The following TMEM260 variants were observed in gnomAD, a reference collection of about 807,000 sequenced individuals.
TMEM260 encodes transmembrane protein 260, also known as protein O-mannosyl-transferase TMEM260.
TMEM260 carries 82 observed loss-of-function variants against 88.9 expected under a neutral mutation model. The ratio of observed to expected loss-of-function variants is 0.92; its 90% CI spans 0.77 to 1.11. The LOEUF is 1.11. Among genes scored for constraint, TMEM260 ranks in the 50% least tolerant of loss-of-function variants. The probability of loss-of-function intolerance (pLI) is 0.00; values close to 1 mark genes in which losing one functional copy is unlikely to be tolerated. For synonymous variants in TMEM260, 314 were observed against 309.3 expected (o/e 1.02, Z -0.16); for missense variants, 902 against 853.4 (o/e 1.06, Z -0.71).
rs536897930 is a variant in TMEM260, at chr14:56,610,218, T to TA, written c.816+941dup. ...ATATTGATGAGGTTTTGTTTCTTTT[T>TA]AAAAAAAAGAATTTTTTTTTTTATT... On this transcript the variant is annotated intron_variant, in intron 6 of 15. Coordinates refer to ENST00000261556, the MANE Select transcript of TMEM260 (RefSeq NM_017799.4). 7.4e-3 allele frequency among the ~76,000 whole-genome samples: 1,120 copies of TA among 151,978 alleles called. 10 individuals carry two copies. The highest frequency in any genetic ancestry group is 0.025 in the African/African-American group (1,046 of 41,424).
At chr14:56,582,927 A>G (rs964062856) in intron 1 of TMEM260, among the ~76,000 whole-genome samples, 1 of 130,998 alleles carries the variant, frequency 7.6e-6, no homozygotes, top group Admixed American at 8.8e-5. Flanking sequence ...AGTTTGTCAC[A>G]TTCCAGATTT....
intron 12 of TMEM260, among the ~76,000 whole-genome samples, chr14:56,631,092 T>G (rs1048695302): frequency 6.6e-6 from 1 of 152,054 alleles, no homozygotes; most frequent in Admixed American, 6.5e-5. Flanking sequence ...CCAAGGCACA[T>G]TTTAAAGCAG....
chr14:56,647,157 TATTA>T (rs1188694249), intron 15 of TMEM260, 82 bp from the exon 16 acceptor site: 31 of 1,438,630 alleles, frequency 2.2e-5, no homozygotes, highest in African/African-American at 2.0e-4. Flanking sequence ...TTTTTCTTGT[TATTA>T]ATTCCTCTGT....
intron 15 of TMEM260, among the ~76,000 whole-genome samples, chr14:56,645,225 C>G (rs1594903596): frequency 7.7e-6 from 1 of 130,408 alleles, no homozygotes; most frequent in South Asian, 2.3e-4. Context: ...TTCACAATAG[C>G]AAAGACTTGG....
intron 5 of TMEM260, among the ~76,000 whole-genome samples, chr14:56,607,282 A>G (rs149609256): frequency 3.8e-4 from 58 of 152,276 alleles, no homozygotes; most frequent in Admixed American, 6.5e-4. Context: ...CATTCTTAGC[A>G]CATATTTCAT....
intron 12 of TMEM260, among the ~76,000 whole-genome samples, chr14:56,627,900 G>A (rs904828393): frequency 5.3e-5 from 8 of 152,230 alleles, no homozygotes; most frequent in East Asian, 3.9e-4. Context: ...TGCTGCTCCC[G>A]TATAGTCACA....
downstream of TMEM260, among the ~76,000 whole-genome samples, chr14:56,653,746 A>AAAAACAAAAC (rs1555343593): frequency 1.6e-4 from 14 of 85,968 alleles, no homozygotes; most frequent in African/African-American, 4.0e-4. Flanking sequence ...CAAAACAAAA[A>AAAAACAAAAC]AAAAAAAAAC....
chr14:56,621,927 A>G (rs1017830923), intron 11 of TMEM260, among the ~76,000 whole-genome samples: 1 of 152,170 alleles, frequency 6.6e-6, no homozygotes, highest in African/African-American at 2.4e-5. Flanking sequence ...ATTTAAAAAC[A>G]TTTAAACTGA....
At chr14:56,636,923 A>G (rs1396308891) in intron 15 of TMEM260, among the ~76,000 whole-genome samples, 1 of 152,216 alleles carries the variant, frequency 6.6e-6, no homozygotes, top group Non-Finnish European at 1.5e-5. Flanking sequence ...GTTACCCCAG[A>G]TTATCCAGGT....
Position 56,617,244 on chromosome 14 carries a change from T to G in TMEM260, c.1003T>G (p.Phe335Val). The change falls in exon 9 of 16, where the codon TTC becomes GTC. Residue 335 changes from phenylalanine (F) to valine (V), a missense_variant. Transcript: ENST00000261556. Reference sequence around the variant, plus strand: ...TGGAATGTTTTGCATTTATTCATTGTTCTTTGCTTGGAGAGCAAATTTAGA... The same window carrying G: ...TGGAATGTTTTGCATTTATTCATTGGTCTTTGCTTGGAGAGCAAATTTAGA... ...FTGMFCIYSL[F>V]FAWRANLDIS... 6.2e-7 allele frequency: 1 copy of G among 1,606,698 alleles called. No homozygotes were observed. The highest frequency in any genetic ancestry group is 2.3e-5 in the East Asian group (1 of 44,428).
intron 1 of TMEM260, among the ~76,000 whole-genome samples, chr14:56,581,743 A>G (rs954522596): frequency 2.6e-5 from 4 of 152,178 alleles, no homozygotes; most frequent in South Asian, 2.1e-4. Flanking sequence ...AACTAAGGCT[A>G]AGCTATGCCC....
Position 56,648,503 on chromosome 14 carries a change from T to G in TMEM260, c.*1006T>G, listed in dbSNP as rs990465657. The G allele has an allele frequency of 6.6e-6, 1 of 152,544 alleles. No individual in the cohort carries two copies. The allele number at this position is 152,544 out of a possible 1,614,324, so 9.4% of individuals were successfully genotyped here. A position where few individuals can be genotyped will look rare whatever the true frequency, so the allele number is the denominator to read the frequency against. On this transcript the variant is annotated 3_prime_UTR_variant, in exon 16 of 16. Transcript: ENST00000261556. The stretch of plus-strand genomic sequence containing the variant: ...CCCCCCAATTGTATAGCTCCTAGAC[T>G]CCAAGCACTATATAGGCCCCTGTAT...
intron 12 of TMEM260, among the ~76,000 whole-genome samples, chr14:56,631,478 C>T (rs1215639238): frequency 6.6e-6 from 1 of 152,094 alleles, no homozygotes; most frequent in Admixed American, 6.5e-5. Context: ...CAAAATTTAG[C>T]CAGGCATGGT....
intron 3 of TMEM260, among the ~76,000 whole-genome samples, chr14:56,588,351 CCTT>C (rs1402702730): frequency 1.3e-5 from 2 of 151,932 alleles, no homozygotes; most frequent in African/African-American, 2.4e-5. Context: ...GACATAAAGA[CCTT>C]CTGTACCTTT....
intron 3 of TMEM260, among the ~76,000 whole-genome samples, chr14:56,592,153 A>G (rs1885905241): frequency 6.6e-6 from 1 of 152,336 alleles, no homozygotes; most frequent in Admixed American, 6.5e-5. Context: ...AAACCTCATG[A>G]AGTAGAACTA....
chr14:56,661,404 T>G, the TMEM260 span, among the ~76,000 whole-genome samples: 1 of 152,170 alleles, frequency 6.6e-6, no homozygotes, highest in South Asian at 2.1e-4. Context: ...CTTTTCACTC[T>G]GTGCCCTTGT....
chr14:56,655,277 C>G (rs956601702), downstream of TMEM260, among the ~76,000 whole-genome samples: 1 of 151,752 alleles, frequency 6.6e-6, no homozygotes, highest in African/African-American at 2.4e-5. Context: ...GTAATCCCAG[C>G]TACTCCGAAG....
In TMEM260 at chr14:56,638,960, C is replaced by G. The variant is rs1350325261; in HGVS notation, c.1869+2362C>G. On this transcript the variant is annotated intron_variant, in intron 15 of 15. Transcript: ENST00000261556. ...ATGATGGGCTTCTCAAGATATGGTACATGTGACTTAATAGGACATCTAAAA... is the reference window on the plus strand; with the variant it reads ...ATGATGGGCTTCTCAAGATATGGTAGATGTGACTTAATAGGACATCTAAAA... Among the ~76,000 whole-genome samples, 3 of 152,152 alleles carry G rather than the reference C, an allele frequency of 2.0e-5. No individual in the cohort carries two copies. In the South Asian group the frequency reaches 6.2e-4, roughly 32 times the overall value.
intron 12 of TMEM260, among the ~76,000 whole-genome samples, chr14:56,628,976 A>G (rs1888409052): frequency 1.3e-5 from 2 of 151,484 alleles, no homozygotes; most frequent in South Asian, 4.2e-4. Context: ...GCTCACTGCA[A>G]CCTCCACCTC....
Sources: allele counts gnomAD v4.1 joint callset (sites outside exome capture counted in the v4.1 genomes callset), GRCh38; gene constraint gnomAD v4.1.1; transcripts MANE v1.5; gene names NCBI Gene and HGNC (gene_info 2026-07-23, HGNC 2026-07-21).